The following AMDHD2 variants were observed in gnomAD, a reference collection of about 807,000 sequenced individuals.
AMDHD2 encodes N-acetylglucosamine-6-phosphate deacetylase.
A neutral mutation model predicts 41.8 loss-of-function variants in AMDHD2; 24 were observed. The observed-to-expected ratio is 0.57, with a 90% CI of 0.42 to 0.81. The LOEUF is 0.81. Ranked by LOEUF, AMDHD2 falls within the 30% of genes least tolerant of loss-of-function variation. The probability of loss-of-function intolerance (pLI) is 0.00; values close to 1 mark genes in which losing one functional copy is unlikely to be tolerated. For missense variants in AMDHD2, 540 were observed against 588.5 expected, an observed-to-expected ratio of 0.92 and a Z score of 0.85; for synonymous variants, 332 against 255.5, an observed-to-expected ratio of 1.30 and a Z score of -2.85.
In AMDHD2 at chr16:2,530,934, G is replaced by A. The variant is rs374505516; in HGVS notation, c.*1371G>A. 1.2e-6 allele frequency: 2 copies of A among 1,613,510 alleles called. No homozygotes were observed. Among genetic ancestry groups the A allele is most frequent in the Non-Finnish European group, 1.7e-6 (2 of 1,179,988 alleles). On this transcript the variant is annotated 3_prime_UTR_variant, in exon 11 of 11. Coordinates refer to ENST00000293971, the MANE Select transcript of AMDHD2 (RefSeq NM_001330449.2). The stretch of plus-strand genomic sequence containing the variant: ...CTTAGGAAGTGGCTGTCCAGCGCCT[G>A]CCTGTGCTGGGCCTGGGAGAGGAGC...
rs1272647710 is a variant in AMDHD2 at position 2,530,651 on chromosome 16, CCAG to C, written c.*1089_*1091del. ...TGTTCTCTTCCCTCTGCTGCAAAGC[CCAG>C]TTAAGGAAATGTCTCCAGGTCCAAA... is the stretch of plus-strand genomic sequence containing the variant. On this transcript the variant is annotated 3_prime_UTR_variant, in exon 11 of 11. Coordinates refer to ENST00000293971, the MANE Select transcript of AMDHD2 (RefSeq NM_001330449.2). 1 of 1,614,184 alleles carries C rather than the reference CCAG, an allele frequency of 6.2e-7. No homozygotes were observed. Among genetic ancestry groups the C allele is most frequent in the East Asian group, 2.2e-5 (1 of 44,884 alleles).
chr16:2,520,721 G>A lies in AMDHD2; in HGVS notation c.84-48G>A, dbSNP rs995733525. ...GGACCGGGCGGGGTGCAGGGTGCGG[G>A]GCCGAGGTCAGGCCCGCGATGCGAG... is the stretch of plus-strand genomic sequence containing the variant. On this transcript the variant is annotated intron_variant, in intron 1 of 10. Coordinates refer to ENST00000293971, the MANE Select transcript of AMDHD2 (RefSeq NM_001330449.2). 2.7e-6 allele frequency: 4 copies of A among 1,483,738 alleles called. No homozygotes were observed. In the African/African-American group the frequency reaches 4.2e-5, roughly 16 times the overall value. The allele number at this position is 1,483,738 out of a possible 1,614,324, so 91.9% of individuals were successfully genotyped here.
intron 3 of AMDHD2, among the ~76,000 whole-genome samples, chr16:2,522,109 G>A (rs1366297927): frequency 1.3e-5 from 2 of 152,090 alleles, no homozygotes; most frequent in African/African-American, 4.8e-5. Flanking sequence ...TAAGAGACAG[G>A]GTTTCTCTCT....
rs186351267 is a variant in AMDHD2, at chr16:2,523,131, G to A, written c.360+2008G>A. 3.7e-3 allele frequency among the ~76,000 whole-genome samples: 557 copies of A among 152,210 alleles called. 3 individuals carry two copies. The highest frequency in any genetic ancestry group is 0.011 in the African/African-American group (470 of 41,542). On this transcript the variant is annotated intron_variant, in intron 3 of 10. Transcript: ENST00000293971. ...TGCTAGGATTACAGGCGTGAGCCAT[G>A]GTGCCCAACCAATACTTAACTATTT...
Position 2,525,266 on chromosome 16 carries a change from A to G in AMDHD2, c.361-2295A>G, listed in dbSNP as rs1225289385. ...AGAGATGGGCTTGCTCCATGTTGGC[A>G]AGGCTGGTCTCGAACTCCTGACCTC... is the stretch of plus-strand genomic sequence containing the variant. On this transcript the variant is annotated intron_variant, in intron 3 of 10. Coordinates refer to ENST00000293971, the MANE Select transcript of AMDHD2 (RefSeq NM_001330449.2). 2.0e-5 allele frequency among the ~76,000 whole-genome samples: 3 copies of G among 151,654 alleles called. No homozygotes were observed. In the East Asian group the frequency reaches 5.8e-4, roughly 30 times the overall value.
At chr16:2,528,906 C>T in intron 9 of AMDHD2, 88 bp from the exon 10 acceptor site, 6 of 1,485,978 alleles carry the variant, frequency 4.0e-6, no homozygotes, top group South Asian at 2.4e-5. Context: ...TGCAGAGTCC[C>T]TGAGACAGGG....
At chr16:2,520,572 G>C in intron 1 of AMDHD2, 31 bp downstream of exon 1, 1 of 1,218,926 alleles carries the variant, frequency 8.2e-7, no homozygotes. Context: ...GCGGGGCTGG[G>C]GACCGGGCGG....
rs770413265 is a variant in AMDHD2 at position 2,527,172 on chromosome 16, G to A, written c.361-389G>A. 7.6e-6 allele frequency: 2 copies of A among 261,764 alleles called. No individual in the cohort carries two copies. The highest frequency in any genetic ancestry group is 1.0e-4 in the East Asian group (1 of 9,760). 16.2% of individuals were successfully genotyped at this position (261,764 alleles called of 1,614,324 possible). A position where few individuals can be genotyped will look rare whatever the true frequency, so the allele number is the denominator to read the frequency against. Reference sequence around the variant, plus strand: ...GGTCTTCCTGATGGCGTCCAGCTCCGGCCATGGTGTGGACCACACACAGTG... The same window carrying A: ...GGTCTTCCTGATGGCGTCCAGCTCCAGCCATGGTGTGGACCACACACAGTG... On this transcript the variant is annotated intron_variant, in intron 3 of 10. Coordinates refer to ENST00000293971, the MANE Select transcript of AMDHD2 (RefSeq NM_001330449.2). The surrounding 1 kb of genome is among the most constrained non-coding windows in gnomAD (Gnocchi z 6.1).
At position 2,528,536 on chromosome 16, in the gene AMDHD2, A is replaced by G; in HGVS notation, c.947A>G (p.Asp316Gly). The change falls in exon 8 of 11, where the codon GAC (aspartate) becomes GGC (glycine). Residue 316 changes from aspartate (D) to glycine (G), a missense_variant. Asp to Gly is a moderately conservative substitution (Grantham distance 94). Coordinates refer to ENST00000293971, the MANE Select transcript of AMDHD2 (RefSeq NM_001330449.2). The stretch of plus-strand genomic sequence containing the variant: ...CTGGGACAGCAGGAAGTGGAAGTGG[A>G]CGGTCTGACGGCCTACGTGGCAGGT... ...HTLGQQEVEV[D>G]GLTAYVAGTK... 1.2e-6 allele frequency: 2 copies of G among 1,612,684 alleles called. No homozygotes were observed. The highest frequency in any genetic ancestry group is 1.7e-6 in the Non-Finnish European group (2 of 1,179,912).
Position 2,530,156 on chromosome 16 carries a change from C to T in AMDHD2, c.*593C>T, listed in dbSNP as rs1473638758. ...TCCAGGAGGGAGACTGGGCCCGGGACCCCTGTTTTCTGCTCCCTGGACTGC... is the reference window on the plus strand; with the variant it reads ...TCCAGGAGGGAGACTGGGCCCGGGATCCCTGTTTTCTGCTCCCTGGACTGC... On this transcript the variant is annotated 3_prime_UTR_variant, in exon 11 of 11. Transcript: ENST00000293971. 4 of 1,430,750 alleles carry T rather than the reference C, an allele frequency of 2.8e-6. No homozygotes were observed. The highest frequency in any genetic ancestry group is 2.5e-5 in the East Asian group (1 of 40,086). The allele number at this position is 1,430,750 out of a possible 1,614,324, so 88.6% of individuals were successfully genotyped here.
rs571870079 is a variant in AMDHD2 at position 2,524,395 on chromosome 16, G to T, written c.361-3166G>T. ...GAGCCAAGGTGAGGCACCTCCAGGG[G>T]GCAGCCAGGCCCCTGCCTCTGGCCC... On this transcript the variant is annotated intron_variant, in intron 3 of 10. Transcript: ENST00000293971. Among the ~76,000 whole-genome samples the T allele has an allele frequency of 5.9e-5, 9 of 152,258 alleles. No individual in the cohort carries two copies. In the South Asian group the frequency reaches 1.7e-3, roughly 28 times the overall value.
rs926331917 is a variant in AMDHD2 at position 2,520,416 on chromosome 16, C to G, written c.-43C>G. On this transcript the variant is annotated 5_prime_UTR_variant, in exon 1 of 11. Coordinates refer to ENST00000293971, the MANE Select transcript of AMDHD2 (RefSeq NM_001330449.2). ...TTCGTCACTGGGCGCGGGATTTGGCCGCCGCGGGGCTCCGGAGCCGCTCGC... is the reference window on the plus strand; with the variant it reads ...TTCGTCACTGGGCGCGGGATTTGGCGGCCGCGGGGCTCCGGAGCCGCTCGC... 4 of 1,220,872 alleles carry G rather than the reference C, an allele frequency of 3.3e-6. No individual in the cohort carries two copies. In the African/African-American group the frequency reaches 6.3e-5, roughly 19 times the overall value. 75.6% of individuals were successfully genotyped at this position (1,220,872 alleles called of 1,614,324 possible). A position where few individuals can be genotyped will look rare whatever the true frequency, so the allele number is the denominator to read the frequency against.
At position 2,528,292 on chromosome 16, in the gene AMDHD2, A is replaced by G. The variant is rs767621381; in HGVS notation, c.774A>G (p.Ala258=). The change falls in exon 7 of 11, where the codon GCA becomes GCG. Residue 258 remains alanine, a synonymous_variant. Transcript: ENST00000293971. ...TCCTGACCAGCGACCGGCTGCCCGC[A>G]GGCCGCTGCATCTTCTATGGGATGA... The part of the protein sequence containing the change: ...VGLLTSDRLP[A]GRCIFYGMIA... 1.2e-6 allele frequency: 2 copies of G among 1,612,472 alleles called. No individual in the cohort carries two copies. Among genetic ancestry groups the G allele is most frequent in the East Asian group, 4.5e-5 (2 of 44,852 alleles).
rs375509843 is a variant in AMDHD2 at position 2,530,460 on chromosome 16, C to G, written c.*897C>G. On this transcript the variant is annotated 3_prime_UTR_variant, in exon 11 of 11. Coordinates refer to ENST00000293971, the MANE Select transcript of AMDHD2 (RefSeq NM_001330449.2). ...GTGGGCTTCTGGAGCCCTCTTGGCT[C>G]TGAGGACAGCCACAGTGGGGTCAGA... The G allele has an allele frequency of 2.5e-6, 4 of 1,614,026 alleles. No homozygotes were observed. Among genetic ancestry groups the G allele is most frequent in the African/African-American group, 2.7e-5 (2 of 74,936 alleles).
chr16:2,524,135 G>A (rs999279377), intron 3 of AMDHD2, among the ~76,000 whole-genome samples: 1 of 152,248 alleles, frequency 6.6e-6, no homozygotes, highest in Non-Finnish European at 1.5e-5. Flanking sequence ...AGAAACTGGA[G>A]GCCCCTTTTC....
intron 3 of AMDHD2, among the ~76,000 whole-genome samples, chr16:2,525,003 G>C (rs1006838852): frequency 1.3e-5 from 2 of 151,336 alleles, no homozygotes; most frequent in Admixed American, 1.3e-4. Context: ...TTGTTTCTTG[G>C]CTCTAACCCA....
intron 3 of AMDHD2, 33 bp downstream of exon 3, chr16:2,521,156 G>T: frequency 6.6e-7 from 1 of 1,519,818 alleles, no homozygotes; most frequent in Non-Finnish European, 8.8e-7. Flanking sequence ...AGGTGGAGGG[G>T]GCTCCCGGAG....
chr16:2,531,287 C>T lies in AMDHD2; in HGVS notation c.*1724C>T, dbSNP rs1352152217. On this transcript the variant is annotated 3_prime_UTR_variant, in exon 11 of 11. Transcript: ENST00000293971. ...GGGTGGTGGGAGAGGGGCCCAGGGTCAGGGTGAGAGAGAGCTGGGCCAGGG... is the reference window on the plus strand; with the variant it reads ...GGGTGGTGGGAGAGGGGCCCAGGGTTAGGGTGAGAGAGAGCTGGGCCAGGG... 1 of 603,894 alleles carries T rather than the reference C, an allele frequency of 1.7e-6. No homozygotes were observed. Among genetic ancestry groups the T allele is most frequent in the Non-Finnish European group, 3.0e-6 (1 of 338,798 alleles). The allele number at this position is 603,894 out of a possible 1,614,324, so 37.4% of individuals were successfully genotyped here.
At chr16:2,521,756 C>T (rs1360742438) in intron 3 of AMDHD2, among the ~76,000 whole-genome samples, 2 of 150,428 alleles carry the variant, frequency 1.3e-5, no homozygotes, top group Non-Finnish European at 3.0e-5. Flanking sequence ...TAGGTTGTAT[C>T]CAACATGCTT....
Sources: allele counts gnomAD v4.1 joint callset (sites outside exome capture counted in the v4.1 genomes callset), GRCh38; gene constraint gnomAD v4.1.1; non-coding constraint Gnocchi (gnomAD v3.1); transcripts MANE v1.5; gene names NCBI Gene and HGNC (gene_info 2026-07-23, HGNC 2026-07-21).